The following TRPC5 variants were observed in gnomAD, a reference collection of about 807,000 sequenced individuals.
The protein encoded by TRPC5 is short transient receptor potential channel 5.
A neutral mutation model predicts 56.5 loss-of-function variants in TRPC5; 9 were observed. That is an observed-to-expected ratio of 0.16 (90% confidence interval 0.10 to 0.28). The LOEUF (loss-of-function observed/expected upper bound fraction) is 0.28, where lower values mean the gene tolerates loss of function less well. Among genes scored for constraint, TRPC5 ranks in the 10% least tolerant of loss-of-function variants. The probability of loss-of-function intolerance (pLI) is 1.00; values close to 1 mark genes in which losing one functional copy is unlikely to be tolerated. For missense variants in TRPC5, 469 were observed against 748.9 expected (o/e 0.63, Z 4.36); for synonymous variants, 282 against 278.5 (o/e 1.01, Z -0.13).
rs999223960 is a variant in TRPC5 at position 111,975,776 on chromosome X, C to T, written c.-21-23335G>A. Among the ~76,000 whole-genome samples the T allele has an allele frequency of 7.2e-5, 8 of 111,872 alleles. No individual in the cohort carries two copies. In the Admixed American group the frequency reaches 7.6e-4, roughly 11 times the overall value. Reference sequence around the variant, plus strand: ...AAAATTAGCCGGGCGTGGCGGCGTGCGCCTGTAGTCCCAGCTACTCAGGAG... The same window carrying T: ...AAAATTAGCCGGGCGTGGCGGCGTGTGCCTGTAGTCCCAGCTACTCAGGAG... On this transcript the variant is annotated intron_variant, in intron 1 of 10. Coordinates refer to ENST00000262839, the MANE Select transcript of TRPC5 (RefSeq NM_012471.3).
intron 7 of TRPC5, among the ~76,000 whole-genome samples, chrX:111,784,599 G>A (rs1019763552): frequency 6.2e-5 from 7 of 112,104 alleles, no homozygotes; most frequent in Non-Finnish European, 9.4e-5. Flanking sequence ...CACAGAGGGC[G>A]AGCTGAAGCA....
At chrX:111,973,386 T>C (rs112492318) in intron 1 of TRPC5, among the ~76,000 whole-genome samples, 3,463 of 111,934 alleles carry the variant, frequency 0.031, 134 homozygotes, top group African/African-American at 0.11. Context: ...TTCTTAGAAA[T>C]TGAAAAGACT....
At chrX:111,798,881 A>C (rs1226218558) in intron 7 of TRPC5, among the ~76,000 whole-genome samples, 1 of 112,027 alleles carries the variant, frequency 8.9e-6, no homozygotes, top group African/African-American at 3.2e-5. Context: ...AAGGATCTAA[A>C]GCTGTAGTAT....
intron 1 of TRPC5, among the ~76,000 whole-genome samples, chrX:112,012,514 G>A (rs928449879): frequency 6.3e-5 from 7 of 110,888 alleles, no homozygotes; most frequent in Admixed American, 9.7e-5. Context: ...TTTCAGCTTG[G>A]TGGGATGGGG....
At chrX:111,910,946 T>G (rs1925798577) in intron 3 of TRPC5, among the ~76,000 whole-genome samples, 1 of 112,816 alleles carries the variant, frequency 8.9e-6, no homozygotes, top group African/African-American at 3.2e-5. Context: ...ACACCAGGCT[T>G]ATTGAAATAA....
At chrX:111,820,704 A>G (rs975122277) in intron 7 of TRPC5, among the ~76,000 whole-genome samples, 2 of 111,664 alleles carry the variant, frequency 1.8e-5, no homozygotes, top group Admixed American at 9.5e-5. Context: ...CAAGAAGACA[A>G]TAAACTTAGG....
At chrX:112,002,132 G>A (rs776565795) in intron 1 of TRPC5, among the ~76,000 whole-genome samples, 25 of 111,852 alleles carry the variant, frequency 2.2e-4, no homozygotes, top group African/African-American at 7.5e-4. Flanking sequence ...AGTACTGAAA[G>A]TGATCTGTTT....
chrX:111,862,163 A>C (rs1923423962), intron 3 of TRPC5, among the ~76,000 whole-genome samples: 1 of 111,850 alleles, frequency 8.9e-6, no homozygotes, highest in Admixed American at 9.5e-5. Context: ...CGGCATGGGA[A>C]TTATACTTTG....
At chrX:112,022,927 GA>G (rs1208690513) in intron 1 of TRPC5, among the ~76,000 whole-genome samples, 2 of 111,436 alleles carry the variant, frequency 1.8e-5, no homozygotes, top group Admixed American at 9.5e-5. Flanking sequence ...GATTGAGGAA[GA>G]TTTTTTTTTT....
chrX:111,869,644 A>G (rs182790371), intron 3 of TRPC5, among the ~76,000 whole-genome samples: 2 of 112,625 alleles, frequency 1.8e-5, no homozygotes, highest in African/African-American at 6.4e-5. Context: ...AGTCAGAATT[A>G]GCCCAATGGG....
intron 7 of TRPC5, among the ~76,000 whole-genome samples, chrX:111,812,223 A>G (rs1361507432): frequency 9.0e-6 from 1 of 110,977 alleles, no homozygotes; most frequent in African/African-American, 3.3e-5. Context: ...AGGGAAGAAT[A>G]CTTGATTTTT....
At chrX:112,023,228 C>T (rs1929320161) in intron 1 of TRPC5, among the ~76,000 whole-genome samples, 1 of 102,180 alleles carries the variant, frequency 9.8e-6, no homozygotes, top group East Asian at 3.0e-4. Flanking sequence ...GCCACTGCGC[C>T]CAGCAGTTTT....
intron 1 of TRPC5, among the ~76,000 whole-genome samples, chrX:112,029,052 C>T (rs920000654): frequency 8.9e-6 from 1 of 112,203 alleles, no homozygotes; most frequent in Admixed American, 9.5e-5. Context: ...ACTCTTGTCA[C>T]CCTGTTGTGC....
chrX:111,953,947 C>G (rs1294043468), intron 1 of TRPC5, among the ~76,000 whole-genome samples: 5 of 111,593 alleles, frequency 4.5e-5, no homozygotes, highest in African/African-American at 1.6e-4. Context: ...CCCAAGAGAA[C>G]AGGGTGCTGT....
At chrX:111,903,334 C>T (rs763525907) in intron 3 of TRPC5, 20 of 111,979 alleles carry the variant, frequency 1.8e-4, no homozygotes, top group East Asian at 5.6e-4. Flanking sequence ...CTAGTGGGGA[C>T]GGTGTTTTCA....
At chrX:112,065,230 A>G (rs1338757625) in intron 1 of TRPC5, among the ~76,000 whole-genome samples, 2 of 111,693 alleles carry the variant, frequency 1.8e-5, no homozygotes, top group East Asian at 2.8e-4. Context: ...ACTGAGCATC[A>G]CCACTGGTAT....
At chrX:111,794,233 A>G (rs1366403020) in intron 7 of TRPC5, among the ~76,000 whole-genome samples, 1 of 111,940 alleles carries the variant, frequency 8.9e-6, no homozygotes, top group African/African-American at 3.2e-5. Flanking sequence ...TAAATGCAAA[A>G]GAAAAAATCA....
chrX:111,908,759 G>C (rs895282259), intron 3 of TRPC5, among the ~76,000 whole-genome samples: 1 of 112,038 alleles, frequency 8.9e-6, no homozygotes, highest in Non-Finnish European at 1.9e-5. Context: ...AAATTACTTT[G>C]ATTACTTACT....
intron 3 of TRPC5, among the ~76,000 whole-genome samples, chrX:111,856,453 C>T (rs945797353): frequency 5.6e-5 from 6 of 107,600 alleles, no homozygotes; most frequent in Non-Finnish European, 9.6e-5. Context: ...GCAAGAGAAT[C>T]GCTTGAACCC....
Sources: allele counts gnomAD v4.1 joint callset (sites outside exome capture counted in the v4.1 genomes callset), GRCh38; gene constraint gnomAD v4.1.1; transcripts MANE v1.5; gene names NCBI Gene and HGNC (gene_info 2026-07-23, HGNC 2026-07-21).